PBLD: variants seen among roughly 807,000 people sequenced by gnomAD.
The protein encoded by PBLD is phenazine biosynthesis like protein domain containing.
In PBLD, 26 loss-of-function variants were observed where a neutral mutation model predicts 31.3. The observed-to-expected ratio is 0.83, with a 90% CI of 0.61 to 1.15. The LOEUF is 1.15. Among genes scored for constraint, PBLD ranks in the 50% most tolerant of loss-of-function variants. The pLI is 0.00. For synonymous variants in PBLD, 114 were observed against 129.0 expected (o/e 0.88, Z 0.79); for missense variants, 307 against 351.7 (o/e 0.87, Z 1.02).
At chr10:68,288,349 A>T in intron 8 of PBLD, 134 bp downstream of exon 8, 1 of 913,908 alleles carries the variant, frequency 1.1e-6, no homozygotes, top group East Asian at 2.6e-5. Context: ...GATGGCAGGG[A>T]TGGGGAAAGA....
At chr10:68,324,765 C>T (rs1214132920) in intron 1 of PBLD, among the ~76,000 whole-genome samples, 2 of 151,782 alleles carry the variant, frequency 1.3e-5, no homozygotes, top group African/African-American at 2.4e-5. Flanking sequence ...CAGGCATGTG[C>T]CACTATTGCC....
chr10:68,292,441 T>A (rs1466225211), intron 4 of PBLD, among the ~76,000 whole-genome samples: 1 of 152,066 alleles, frequency 6.6e-6, no homozygotes. Context: ...ACTGATCAGA[T>A]GTGGCGTCAT....
At chr10:68,306,702 T>G (rs1456178504) in intron 2 of PBLD, 59 bp downstream of exon 2, 2 of 1,460,324 alleles carry the variant, frequency 1.4e-6, no homozygotes, top group Non-Finnish European at 1.9e-6. Context: ...TTAAAATAAG[T>G]AATTGTTTCT....
At chr10:68,297,883 G>A (rs1389759430) in intron 2 of PBLD, among the ~76,000 whole-genome samples, 1 of 151,212 alleles carries the variant, frequency 6.6e-6, no homozygotes, top group Non-Finnish European at 1.5e-5. Flanking sequence ...GAGGCGGGAG[G>A]ACAGCTTGAG....
rs570750135 is a variant in PBLD, at chr10:68,329,921, T to A, written c.-60+2863A>T. Among the ~76,000 whole-genome samples the A allele has an allele frequency of 2.6e-5, 4 of 152,290 alleles. No homozygotes were observed. In the South Asian group the frequency reaches 8.3e-4, roughly 32 times the overall value. ...ATTCTAGCTCTACCACTCAACTGTG[T>A]GACCTTGGGCAACTATTTTCACTTC... On this transcript the variant is annotated intron_variant, in intron 1 of 9. Transcript: ENST00000358769.
chr10:68,305,901 A>G (rs1186837599), intron 2 of PBLD, among the ~76,000 whole-genome samples: 2 of 152,180 alleles, frequency 1.3e-5, no homozygotes, highest in Non-Finnish European at 2.9e-5. Flanking sequence ...GAAGGCCCCA[A>G]CACACACTTT....
At chr10:68,319,568 A>G (rs1473670224) in intron 1 of PBLD, among the ~76,000 whole-genome samples, 4 of 151,900 alleles carry the variant, frequency 2.6e-5, no homozygotes, top group African/African-American at 9.7e-5. Flanking sequence ...TAAAAATACA[A>G]AAATTAGCCA....
chr10:68,283,838 T>G lies in PBLD; in HGVS notation c.*339A>C, dbSNP rs1159435181. On this transcript the variant is annotated 3_prime_UTR_variant, in exon 10 of 10. Coordinates refer to ENST00000358769, the MANE Select transcript of PBLD (RefSeq NM_022129.4). ...TCTGCTCACTGCAACTTCTGCCTCC[T>G]GGGTTCAAGCGATTCTCCATGCCTC... The G allele has an allele frequency of 2.1e-5, 5 of 238,052 alleles. No homozygotes were observed. The highest frequency in any genetic ancestry group is 1.7e-5 in the Non-Finnish European group (2 of 120,276). 14.7% of individuals were successfully genotyped at this position (238,052 alleles called of 1,614,324 possible). A position where few individuals can be genotyped will look rare whatever the true frequency, so the allele number is the denominator to read the frequency against.
At chr10:68,328,910 T>G (rs1272970453) in intron 1 of PBLD, among the ~76,000 whole-genome samples, 1 of 152,194 alleles carries the variant, frequency 6.6e-6, no homozygotes, top group Non-Finnish European at 1.5e-5. Flanking sequence ...CGGAGTCTCG[T>G]TCTGTCACCC....
In PBLD at chr10:68,309,406, C is replaced by CAA. The variant is rs58152894; in HGVS notation, c.-59-2505_-59-2504dup. Among the ~76,000 whole-genome samples the CAA allele has an allele frequency of 2.4e-3, 269 of 114,386 alleles. 2 individuals carry two copies. Among genetic ancestry groups the CAA allele is most frequent in the East Asian group, 5.5e-3 (14 of 2,542 alleles). The allele number at this position is 114,386 out of a possible 152,430, so 75.0% of individuals were successfully genotyped here. A position where few individuals can be genotyped will look rare whatever the true frequency, so the allele number is the denominator to read the frequency against. On this transcript the variant is annotated intron_variant, in intron 1 of 9. Coordinates refer to ENST00000358769, the MANE Select transcript of PBLD (RefSeq NM_022129.4). The stretch of plus-strand genomic sequence containing the variant: ...TAGACAACAGAGTGAGATTATGTTT[C>CAA]AAAAAAAAAAAAAAAAAAAAGAACC...
At chr10:68,323,908 A>C (rs915719635) in intron 1 of PBLD, among the ~76,000 whole-genome samples, 1 of 152,198 alleles carries the variant, frequency 6.6e-6, no homozygotes, top group Non-Finnish European at 1.5e-5. Context: ...ATAAAAGCAA[A>C]ATATATGTCA....
chr10:68,310,365 G>GTATATATATATATATATATA (rs34887418), intron 1 of PBLD, among the ~76,000 whole-genome samples: 51 of 140,334 alleles, frequency 3.6e-4, no homozygotes, highest in South Asian at 6.9e-4. Flanking sequence ...ATGTTTTGAA[G>GTATATATATATATATATATA]TATATATATA....
chr10:68,319,829 T>TA (rs1484185264), intron 1 of PBLD, among the ~76,000 whole-genome samples: 3 of 136,304 alleles, frequency 2.2e-5, no homozygotes, highest in Non-Finnish European at 4.6e-5. Context: ...TTTATTTATT[T>TA]ATTTTTTTTT....
chr10:68,320,848 C>T (rs138265053), intron 1 of PBLD, among the ~76,000 whole-genome samples: 4,002 of 146,730 alleles, frequency 0.027, 171 homozygotes, highest in African/African-American at 0.095. Context: ...GACAGAGTCT[C>T]GCTCTGTTGC....
intron 2 of PBLD, among the ~76,000 whole-genome samples, chr10:68,301,768 C>A (rs1237900648): frequency 2.6e-5 from 4 of 152,166 alleles, no homozygotes; most frequent in African/African-American, 9.7e-5. Context: ...TAATAGATTT[C>A]TTTGCAAATG....
At chr10:68,306,192 AT>A (rs11340899) in intron 2 of PBLD, among the ~76,000 whole-genome samples, 12,927 of 152,056 alleles carry the variant, frequency 0.085, 844 homozygotes, top group South Asian at 0.2. Flanking sequence ...ATATTTAACT[AT>A]TCCATTAATA....
At chr10:68,294,917 G>A (rs1054787040) in intron 4 of PBLD, among the ~76,000 whole-genome samples, 1 of 152,038 alleles carries the variant, frequency 6.6e-6, no homozygotes, top group Non-Finnish European at 1.5e-5. Flanking sequence ...TAGTAGAGAC[G>A]GGGTTTTGCC....
chr10:68,295,351 G>A (rs1304300431), intron 4 of PBLD, among the ~76,000 whole-genome samples: 1 of 151,962 alleles, frequency 6.6e-6, no homozygotes, highest in Non-Finnish European at 1.5e-5. Flanking sequence ...AAATTAGCCA[G>A]GTGTGGTGGT....
intron 1 of PBLD, among the ~76,000 whole-genome samples, chr10:68,327,899 T>C (rs1199729006): frequency 6.6e-6 from 1 of 152,174 alleles, no homozygotes; most frequent in Non-Finnish European, 1.5e-5. Context: ...TTTTCAAAAA[T>C]TAGAGAAAGA....
Sources: allele counts gnomAD v4.1 joint callset (sites outside exome capture counted in the v4.1 genomes callset), GRCh38; gene constraint gnomAD v4.1.1; transcripts MANE v1.5; gene names NCBI Gene and HGNC (gene_info 2026-07-23, HGNC 2026-07-21).